The following RAPGEF5 variants were observed in gnomAD, a reference collection of about 807,000 sequenced individuals.
RAPGEF5 encodes M-Ras-regulated GEF.
RAPGEF5 carries 65 observed loss-of-function variants against 125.2 expected under a neutral mutation model. The observed-to-expected ratio is 0.52, with a 90% confidence interval of 0.43 to 0.64. The LOEUF is 0.64. Among genes scored for constraint, RAPGEF5 ranks in the 30% least tolerant of loss-of-function variants. RAPGEF5 has a pLI of 0.00. For synonymous variants in RAPGEF5, 391 were observed against 385.9 expected (o/e 1.01, Z -0.16); for missense variants, 958 against 1,048.1 (o/e 0.91, Z 1.19).
intron 11 of RAPGEF5, among the ~76,000 whole-genome samples, chr7:22,180,389 G>T (rs1784637662): frequency 6.6e-6 from 1 of 152,158 alleles, no homozygotes; most frequent in African/African-American, 2.4e-5. Context: ...TTTGGTCCAT[G>T]AGGTAAAAGC....
Position 22,219,981 on chromosome 7 carries a change from A to G in RAPGEF5, c.881T>C (p.Met294Thr). 1 of 1,613,540 alleles carries G rather than the reference A, an allele frequency of 6.2e-7. No homozygotes were observed. Residue 294 changes from methionine (M) to threonine (T), a missense_variant, in exon 9 of 26, where the codon ATG (methionine) becomes ACG (threonine). Met to Thr is a moderately conservative substitution (Grantham distance 81, BLOSUM62 -1). Coordinates refer to ENST00000665637, the MANE Select transcript of RAPGEF5 (RefSeq NM_012294.5). ...ESVPDSQAGV[M>T]CKLQERDEIG... Reference sequence around the variant, plus strand: ...TTCATCTCTTTCCTGGAGCTTGCACATCACCCCTGCCTTAAGAGTTGGAGA... The same window carrying G: ...TTCATCTCTTTCCTGGAGCTTGCACGTCACCCCTGCCTTAAGAGTTGGAGA...
At position 22,356,955 on chromosome 7, in the gene RAPGEF5, G is replaced by A; in HGVS notation, c.106C>T (p.Pro36Ser). Residue 36 changes from proline (P) to serine (S), a missense_variant, in exon 1 of 26, where the codon CCC (proline) becomes TCC (serine). Pro to Ser is a moderately conservative substitution (Grantham distance 74, BLOSUM62 -1). Transcript: ENST00000665637. ...VAADGPLRRS[P>S]SAREPEREQP... ...TCGCGCTCGGGCTCCCGGGCGCTGG[G>A]GCTGCGGCGCAGGGGGCCGTCTGCC... 1 of 1,042,032 alleles carries A rather than the reference G, an allele frequency of 9.6e-7. No individual in the cohort carries two copies. The highest frequency in any genetic ancestry group is 1.2e-6 in the Non-Finnish European group (1 of 868,966). The allele number at this position is 1,042,032 out of a possible 1,614,324, so 64.5% of individuals were successfully genotyped here. A position where few individuals can be genotyped will look rare whatever the true frequency, so the allele number is the denominator to read the frequency against.
rs755693050 is a variant in RAPGEF5 at position 22,194,029 on chromosome 7, T to C, written c.1001A>G (p.Asp334Gly). The C allele has an allele frequency of 3.1e-6, 5 of 1,612,616 alleles. No homozygotes were observed. In the Admixed American group the frequency reaches 8.4e-5, roughly 27 times the overall value. ...AACCTGAACAGTCGTCACTTCATCA[T>C]CTTGCTTTAATTGTGGACAGGGATG... is the stretch of plus-strand genomic sequence containing the variant. ...KKEQEKSEHQDDEVTTVQVKE... is the reference protein window; with the variant it reads ...KKEQEKSEHQGDEVTTVQVKE... Residue 334 changes from aspartate to glycine, a missense_variant, in exon 10 of 26, where the codon GAT becomes GGT. By Grantham distance (94) the Asp-to-Gly change is moderately conservative. Transcript: ENST00000665637.
chr7:22,349,585 A>G (rs1192367689), intron 1 of RAPGEF5, among the ~76,000 whole-genome samples: 1 of 152,206 alleles, frequency 6.6e-6, no homozygotes, highest in Non-Finnish European at 1.5e-5. Flanking sequence ...AATGTATCAA[A>G]TTATCACATG....
Position 22,297,156 on chromosome 7 carries a change from T to C in RAPGEF5, c.681-5915A>G, listed in dbSNP as rs551586709. ...GGAGATATAGGGAAATATCAACACA[T>C]GCTGAAAAGAACAATCCAGTAGAGG... On this transcript the variant is annotated intron_variant, in intron 5 of 25. Transcript: ENST00000665637. Among the ~76,000 whole-genome samples, 3 of 152,102 alleles carry C rather than the reference T, an allele frequency of 2.0e-5. No homozygotes were observed. In the South Asian group the frequency reaches 6.2e-4, roughly 32 times the overall value.
At position 22,150,458 on chromosome 7, in the gene RAPGEF5, G is replaced by C; in HGVS notation, c.1833C>G (p.Leu611=). 2 of 1,608,102 alleles carry C rather than the reference G, an allele frequency of 1.2e-6. No homozygotes were observed. Among genetic ancestry groups the C allele is most frequent in the Admixed American group, 1.7e-5 (1 of 59,562 alleles). The stretch of plus-strand genomic sequence containing the variant: ...AGACATATATTCGACCAGATGCCTC[G>C]AGGGATTTGGAGATGACTAAGTCAT... ...QPNDLVISKS[L]EASGRIYVYR... The change falls in exon 18 of 26, where the codon CTC becomes CTG. Residue 611 remains leucine, a synonymous_variant. Transcript: ENST00000665637.
At chr7:22,198,921 C>T (rs566743027) in intron 9 of RAPGEF5, among the ~76,000 whole-genome samples, 1 of 152,320 alleles carries the variant, frequency 6.6e-6, no homozygotes, top group East Asian at 1.9e-4. Flanking sequence ...CCCAGACAGG[C>T]TCGACACCAG....
intron 17 of RAPGEF5, among the ~76,000 whole-genome samples, chr7:22,151,341 A>G (rs772218169): frequency 1.5e-4 from 23 of 152,176 alleles, no homozygotes; most frequent in Non-Finnish European, 2.5e-4. Flanking sequence ...ATATTTTTAA[A>G]GTTTTTGATA....
Position 22,345,405 on chromosome 7 carries a change from G to A in RAPGEF5, c.231+11425C>T, listed in dbSNP as rs572144360. Among the ~76,000 whole-genome samples, 7 of 152,294 alleles carry A rather than the reference G, an allele frequency of 4.6e-5. 1 individual carries two copies. The highest frequency in any genetic ancestry group is 5.9e-5 in the Non-Finnish European group (4 of 68,034). On this transcript the variant is annotated intron_variant, in intron 1 of 25. Transcript: ENST00000665637. ...GATGATGATGACAGCAATGACAACA[G>A]CAGCAGCTCAGGCTTACTGAGCATC...
intron 3 of RAPGEF5, among the ~76,000 whole-genome samples, chr7:22,315,023 C>T (rs577969249): frequency 2.0e-5 from 3 of 152,062 alleles, no homozygotes; most frequent in Non-Finnish European, 4.4e-5. Flanking sequence ...CTCAATAAGG[C>T]CCCTAAAGAG....
At chr7:22,199,287 G>A (rs866835714) in intron 9 of RAPGEF5, among the ~76,000 whole-genome samples, 1 of 152,046 alleles carries the variant, frequency 6.6e-6, no homozygotes, top group Non-Finnish European at 1.5e-5. Flanking sequence ...AACCAGACCC[G>A]AATCAGTGAC....
chr7:22,189,404 G>C (rs1784922406), intron 11 of RAPGEF5, among the ~76,000 whole-genome samples: 1 of 152,118 alleles, frequency 6.6e-6, no homozygotes, highest in African/African-American at 2.4e-5. Flanking sequence ...CCTCTCTAGG[G>C]AGGAGAAAGG....
At chr7:22,254,627 A>C (rs1786709524) in intron 7 of RAPGEF5, among the ~76,000 whole-genome samples, 1 of 151,728 alleles carries the variant, frequency 6.6e-6, no homozygotes, top group Non-Finnish European at 1.5e-5. Context: ...AAAAAAAAAA[A>C]AAATCAAACC....
chr7:22,269,752 T>C (rs948160780), intron 6 of RAPGEF5, among the ~76,000 whole-genome samples: 1 of 152,206 alleles, frequency 6.6e-6, no homozygotes, highest in Admixed American at 6.5e-5. Context: ...AGGGACCTGT[T>C]GGCACTGGAA....
At chr7:22,184,100 G>A (rs1027178151) in intron 11 of RAPGEF5, among the ~76,000 whole-genome samples, 2 of 152,154 alleles carry the variant, frequency 1.3e-5, no homozygotes, top group African/African-American at 4.8e-5. Flanking sequence ...TGTGGCAAAA[G>A]CCACATCTGC....
chr7:22,218,959 C>A (rs945112437), intron 9 of RAPGEF5, among the ~76,000 whole-genome samples: 1 of 152,190 alleles, frequency 6.6e-6, no homozygotes, highest in Admixed American at 6.5e-5. Flanking sequence ...TACCTCCTCT[C>A]CTTCTCAGTA....
intron 7 of RAPGEF5, among the ~76,000 whole-genome samples, chr7:22,261,121 G>A (rs964600924): frequency 3.3e-5 from 5 of 151,918 alleles, no homozygotes; most frequent in South Asian, 2.1e-4. Context: ...AAACCTTAAC[G>A]CTGTCCACAG....
In RAPGEF5 at chr7:22,232,419, G is replaced by A. The variant is rs1359284374; in HGVS notation, c.797-1500C>T. ...CAACCTCCACCTCCCGGGTTCAAGCGATTCTCCTGCCTCACTTAGCCTCCC... is the reference window on the plus strand; with the variant it reads ...CAACCTCCACCTCCCGGGTTCAAGCAATTCTCCTGCCTCACTTAGCCTCCC... On this transcript the variant is annotated intron_variant, in intron 7 of 25. Coordinates refer to ENST00000665637, the MANE Select transcript of RAPGEF5 (RefSeq NM_012294.5). Among the ~76,000 whole-genome samples, 8 of 151,520 alleles carry A rather than the reference G, an allele frequency of 5.3e-5. 1 individual carries two copies. Among genetic ancestry groups the A allele is most frequent in the Admixed American group, 3.9e-4 (6 of 15,198 alleles).
intron 1 of RAPGEF5, among the ~76,000 whole-genome samples, chr7:22,353,801 T>C (rs1784372438): frequency 6.6e-6 from 1 of 152,116 alleles, no homozygotes; most frequent in South Asian, 2.1e-4. Context: ...TAGAAGTGAC[T>C]GAACTGAGGA....
Sources: gnomAD v4.1 joint callset for allele counts (sites outside exome capture counted in the v4.1 genomes callset) on GRCh38, gnomAD v4.1.1 for gene constraint, MANE v1.5 for transcripts, NCBI Gene and HGNC (gene_info 2026-07-23, HGNC 2026-07-21) for gene names.